Variants in ARHGAP22 observed in about 807,000 individuals in gnomAD.
ARHGAP22 encodes the protein rho GTPase-activating protein 22.
ARHGAP22 carries 48 observed loss-of-function variants against 59.1 expected under a neutral mutation model. The observed-to-expected ratio is 0.81, with a 90% CI of 0.64 to 1.03. The LOEUF is 1.03. Among genes scored for constraint, ARHGAP22 ranks in the 50% least tolerant of loss-of-function variants. The probability of loss-of-function intolerance (pLI) is 0.00; values close to 1 mark genes in which losing one functional copy is unlikely to be tolerated. For missense variants in ARHGAP22, 1,015 were observed against 958.7 expected (o/e 1.06, Z -0.78); for synonymous variants, 445 against 416.4 (o/e 1.07, Z -0.84).
chr10:48,524,162 G>T (rs1221540466), intron 3 of ARHGAP22: 2 of 1,170,156 alleles, frequency 1.7e-6, no homozygotes, highest in Non-Finnish European at 2.1e-6. Flanking sequence ...CCTGCGCCCC[G>T]GGGCGGCGCG....
intron 4 of ARHGAP22, among the ~76,000 whole-genome samples, chr10:48,464,128 G>C (rs907378688): frequency 1.3e-5 from 2 of 152,164 alleles, no homozygotes; most frequent in East Asian, 3.9e-4. Flanking sequence ...AGGAATTAGA[G>C]AGCTGCCCTG....
intron 1 of ARHGAP22, among the ~76,000 whole-genome samples, chr10:48,586,330 T>C (rs1401063341): frequency 6.6e-6 from 1 of 152,258 alleles, no homozygotes; most frequent in African/African-American, 2.4e-5. Flanking sequence ...TGGGCCCATA[T>C]GAGATAACAA....
chr10:48,481,750 C>G (rs1327075600), intron 3 of ARHGAP22, among the ~76,000 whole-genome samples: 1 of 152,208 alleles, frequency 6.6e-6, no homozygotes, highest in Non-Finnish European at 1.5e-5. Context: ...CTGTGTATGA[C>G]AGTTCTGGGA....
intron 3 of ARHGAP22, among the ~76,000 whole-genome samples, chr10:48,512,383 A>G (rs57567991): frequency 0.077 from 11,660 of 152,292 alleles, 1,529 homozygotes; most frequent in African/African-American, 0.27. Flanking sequence ...TCTCTAAAAC[A>G]GGACAATTAA....
At chr10:48,520,075 G>A (rs1370757998) in intron 3 of ARHGAP22, among the ~76,000 whole-genome samples, 2 of 152,218 alleles carry the variant, frequency 1.3e-5, no homozygotes, top group African/African-American at 4.8e-5. Context: ...CATTGGTTGT[G>A]AGAAATGAAG....
At chr10:48,503,786 G>T (rs1282963376) in intron 3 of ARHGAP22, among the ~76,000 whole-genome samples, 1 of 152,242 alleles carries the variant, frequency 6.6e-6, no homozygotes, top group East Asian at 1.9e-4. Context: ...GGGTATGAGT[G>T]GTGCCTGCAC....
Position 48,455,099 on chromosome 10 carries a change from T to G in ARHGAP22, c.695A>C (p.Lys232Thr), listed in dbSNP as rs763561069. The G allele has an allele frequency of 6.2e-7, 1 of 1,612,018 alleles. No homozygotes were observed. ...CTCGGGGAGCTCCCGCAGGTACAGC[T>G]TCAGCAGGGAGGCCACCGTGTGCAC... ...TDVHTVASLL[K>T]LYLRELPEPV... is the part of the protein sequence containing the mutation. The change falls in exon 6 of 10, where the codon AAG becomes ACG. Residue 232 changes from lysine to threonine, a missense_variant. Lys to Thr is a moderately conservative substitution (Grantham distance 78, BLOSUM62 -1). Transcript: ENST00000249601.
At chr10:48,567,050 A>G (rs747395905) in intron 2 of ARHGAP22, among the ~76,000 whole-genome samples, 1 of 152,162 alleles carries the variant, frequency 6.6e-6, no homozygotes, top group African/African-American at 2.4e-5. Context: ...AACCCCAGGG[A>G]GTGCCCTTTT....
chr10:48,573,007 G>A (rs999243500), intron 2 of ARHGAP22, among the ~76,000 whole-genome samples: 3 of 152,208 alleles, frequency 2.0e-5, no homozygotes, highest in Non-Finnish European at 4.4e-5. Context: ...CAGAGTTGCT[G>A]TGGGAATTAA....
chr10:48,655,134 G>T, upstream of ARHGAP22, among the ~76,000 whole-genome samples: 1 of 62,476 alleles, frequency 1.6e-5, no homozygotes, highest in African/African-American at 6.7e-5. Flanking sequence ...GGCCAGCTCG[G>T]TGACTCAATC....
At chr10:48,562,158 A>G (rs970646688) in intron 2 of ARHGAP22, among the ~76,000 whole-genome samples, 3 of 151,806 alleles carry the variant, frequency 2.0e-5, no homozygotes, top group African/African-American at 7.3e-5. Flanking sequence ...CCCGGGAGGC[A>G]GAGGTTGCAG....
chr10:48,512,228 C>T (rs556809047), intron 3 of ARHGAP22, among the ~76,000 whole-genome samples: 16 of 152,368 alleles, frequency 1.1e-4, no homozygotes, highest in African/African-American at 3.1e-4. Context: ...TTCTCCATTG[C>T]TATTTCTCAA....
intron 3 of ARHGAP22, 23 bp from the exon 4 acceptor site, chr10:48,479,787 C>T (rs1490654925): frequency 6.4e-7 from 1 of 1,553,236 alleles, no homozygotes; most frequent in Non-Finnish European, 8.7e-7. Flanking sequence ...GAGACACAGG[C>T]TTACGCAGGG....
intron 3 of ARHGAP22, among the ~76,000 whole-genome samples, chr10:48,503,866 G>A (rs1564782304): frequency 6.6e-6 from 1 of 152,224 alleles, no homozygotes; most frequent in Non-Finnish European, 1.5e-5. Flanking sequence ...GAGTAACTCC[G>A]AGCAATGTGG....
intron 1 of ARHGAP22, among the ~76,000 whole-genome samples, chr10:48,600,887 G>A (rs1365766177): frequency 6.6e-6 from 1 of 152,174 alleles, no homozygotes; most frequent in Non-Finnish European, 1.5e-5. Context: ...ATTCCCTTTG[G>A]TCCTCCTTCT....
intron 3 of ARHGAP22, among the ~76,000 whole-genome samples, chr10:48,513,439 C>A (rs1052538632): frequency 3.3e-5 from 5 of 152,230 alleles, no homozygotes; most frequent in African/African-American, 9.6e-5. Context: ...GAGTCACAAA[C>A]TTCCTAAGCA....
chr10:48,588,594 A>G (rs2059569204), intron 1 of ARHGAP22, among the ~76,000 whole-genome samples: 1 of 152,200 alleles, frequency 6.6e-6, no homozygotes, highest in Admixed American at 6.5e-5. Context: ...AGGCAAGCTC[A>G]GGGCCCAGAG....
At chr10:48,456,658 G>C (rs186073056) in intron 5 of ARHGAP22, among the ~76,000 whole-genome samples, 44 of 152,248 alleles carry the variant, frequency 2.9e-4, no homozygotes, top group Admixed American at 5.9e-4. Context: ...CAGCTGGGGG[G>C]ATGGGAGCAT....
chr10:48,453,947 C>A (rs1477635821), intron 7 of ARHGAP22, 141 bp downstream of exon 7: 5 of 850,536 alleles, frequency 5.9e-6, no homozygotes, highest in East Asian at 5.0e-5. Flanking sequence ...CCTGCTTCGT[C>A]CACGCTGGGT....
Sources: allele counts gnomAD v4.1 joint callset (sites outside exome capture counted in the v4.1 genomes callset), GRCh38; gene constraint gnomAD v4.1.1; transcripts MANE v1.5; gene names NCBI Gene and HGNC (gene_info 2026-07-23, HGNC 2026-07-21).